Variants in TRAK2 observed in about 807,000 individuals in gnomAD.
TRAK2 encodes the protein trafficking kinesin protein 2.
A neutral mutation model predicts 104.6 loss-of-function variants in TRAK2; 81 were observed. The observed-to-expected ratio is 0.77, with a 90% CI of 0.65 to 0.93. The LOEUF (loss-of-function observed/expected upper bound fraction) is 0.93. Among genes scored for constraint, TRAK2 ranks in the 40% least tolerant of loss-of-function variants. The pLI is 0.00. For missense variants in TRAK2, 1,002 were observed against 1,089.0 expected (o/e 0.92, Z 1.12); for synonymous variants, 406 against 394.4 (o/e 1.03, Z -0.35).
chr2:201,393,110 C>T (rs556828755), intron 9 of TRAK2, 64 bp from the exon 10 acceptor site: 90 of 1,507,088 alleles, frequency 6.0e-5, no homozygotes, highest in Middle Eastern at 3.6e-4. Context: ...AAAAAAAACC[C>T]GAAACCTTTT....
chr2:201,425,564 C>A (rs1406960755), intron 1 of TRAK2, among the ~76,000 whole-genome samples: 2 of 151,968 alleles, frequency 1.3e-5, no homozygotes, highest in Admixed American at 1.3e-4. Context: ...CCACGCCTGG[C>A]TAATTTTTTT....
intron 1 of TRAK2, among the ~76,000 whole-genome samples, 151 bp from the exon 2 acceptor site, chr2:201,420,857 C>T (rs1319212153): frequency 2.0e-5 from 3 of 151,798 alleles, no homozygotes; most frequent in Non-Finnish European, 4.4e-5. Flanking sequence ...AGAAGTCAGA[C>T]AAAAAAAGAG....
At position 201,388,035 on chromosome 2, in the gene TRAK2, G is replaced by A. The variant is rs781471136; in HGVS notation, c.1398-34C>T. 2.5e-6 allele frequency: 4 copies of A among 1,607,660 alleles called. No individual in the cohort carries two copies. In the South Asian group the frequency reaches 3.3e-5, roughly 13 times the overall value. ...AAATCGCGTTCACTGATTAGATCTT[G>A]AGGATCATCAGCATGACCCAGACCT... On this transcript the variant is annotated intron_variant, in intron 12 of 15. Transcript: ENST00000332624.
intron 4 of TRAK2, among the ~76,000 whole-genome samples, chr2:201,400,233 G>A (rs144826897): frequency 8.3e-4 from 126 of 152,126 alleles, no homozygotes; most frequent in African/African-American, 2.9e-3. Context: ...CAAGGGCATA[G>A]GAATTCCATC....
In TRAK2 at chr2:201,398,174, C is replaced by G; in HGVS notation, c.661G>C (p.Glu221Gln). 1.9e-6 allele frequency: 3 copies of G among 1,613,710 alleles called. No individual in the cohort carries two copies. The highest frequency in any genetic ancestry group is 2.5e-6 in the Non-Finnish European group (3 of 1,179,666). The change falls in exon 6 of 16, where the codon GAA becomes CAA. Residue 221 changes from glutamate to glutamine, a missense_variant. Glu to Gln is a conservative substitution (Grantham distance 29, BLOSUM62 2). Coordinates refer to ENST00000332624, the MANE Select transcript of TRAK2 (RefSeq NM_015049.3). ...GATCGAAGAGCCATATTCTCTTCTT[C>G]CAGTTCCTTGAGCTTTTCTTGCAGC... Reference protein sequence around the residue: ...EMLQEKLKELEEENMALRSKA... With the variant: ...EMLQEKLKELQEENMALRSKA...
chr2:201,418,630 A>G (rs922817206), intron 2 of TRAK2, among the ~76,000 whole-genome samples: 2 of 152,218 alleles, frequency 1.3e-5, no homozygotes, highest in Non-Finnish European at 2.9e-5. Context: ...TACACATATG[A>G]CAATGAAATT....
In TRAK2 at chr2:201,386,447, T is replaced by C. The variant is rs1951391990; in HGVS notation, c.1734A>G (p.Gln578=). ...GATCAAGGATGGTTCCCAAGTTTGG[T>C]TGAGCAAGCTGCTGCCAGTGATACA... is the stretch of plus-strand genomic sequence containing the variant. The part of the protein sequence containing the change: ...QTLYHWQQLA[Q]PNLGTILDPR... Residue 578 remains glutamine (Q), a synonymous_variant, in exon 14 of 16, where the codon CAA becomes CAG. Coordinates refer to ENST00000332624, the MANE Select transcript of TRAK2 (RefSeq NM_015049.3). The C allele has an allele frequency of 2.5e-6, 4 of 1,614,154 alleles. No homozygotes were observed. The highest frequency in any genetic ancestry group is 3.4e-6 in the Non-Finnish European group (4 of 1,180,024).
chr2:201,411,109 C>G, intron 2 of TRAK2: 1 of 1,016,578 alleles, frequency 9.8e-7, no homozygotes, highest in Non-Finnish European at 1.5e-6. Flanking sequence ...GTACTTGAAG[C>G]AGAAGGTTTA....
intron 3 of TRAK2, among the ~76,000 whole-genome samples, chr2:201,405,771 T>C (rs997180711): frequency 4.6e-5 from 7 of 152,184 alleles, no homozygotes; most frequent in Middle Eastern, 3.4e-3. Context: ...GATCACAAGA[T>C]CAGGAGTTCG....
intron 8 of TRAK2, 95 bp from the exon 9 acceptor site, chr2:201,394,967 G>C (rs1227328613): frequency 9.0e-7 from 1 of 1,110,282 alleles, no homozygotes; most frequent in East Asian, 2.6e-5. Flanking sequence ...TCTCTCTGGG[G>C]TATCATCTTA....
intron 1 of TRAK2, among the ~76,000 whole-genome samples, chr2:201,450,484 C>T (rs6717641): frequency 0.55 from 84,028 of 151,830 alleles, 24,300 homozygotes; most frequent in Non-Finnish European, 0.65. Context: ...TGACCTTTCT[C>T]ACCTCCAAAT....
At chr2:201,425,703 A>G (rs1951781522) in intron 1 of TRAK2, among the ~76,000 whole-genome samples, 1 of 140,368 alleles carries the variant, frequency 7.1e-6, no homozygotes, top group African/African-American at 2.6e-5. Context: ...GCCCCACTCC[A>G]GAAAGCATTG....
intron 4 of TRAK2, 90 bp downstream of exon 4, chr2:201,400,928 A>T: frequency 1.0e-6 from 1 of 986,582 alleles, no homozygotes; most frequent in Non-Finnish European, 1.6e-6. Context: ...AGCACGTACA[A>T]CATTTTCCAT....
intron 1 of TRAK2, 37 bp from the exon 2 acceptor site, chr2:201,420,743 G>T: frequency 2.6e-6 from 1 of 391,344 alleles, no homozygotes; most frequent in Non-Finnish European, 4.6e-6. Flanking sequence ...AACTCAGCAT[G>T]CTCTTTAACA....
chr2:201,433,025 C>T (rs1038487698), intron 1 of TRAK2, among the ~76,000 whole-genome samples: 1 of 152,142 alleles, frequency 6.6e-6, no homozygotes, highest in African/African-American at 2.4e-5. Context: ...TTTACCTTGT[C>T]CTCATAAAAT....
chr2:201,434,018 C>T (rs996518169), intron 1 of TRAK2, among the ~76,000 whole-genome samples: 5 of 151,934 alleles, frequency 3.3e-5, no homozygotes, highest in Admixed American at 1.3e-4. Context: ...ACTGCAGTGG[C>T]GCTATCTCGG....
At chr2:201,414,932 A>ATTATTAATATTAATATT in intron 2 of TRAK2, among the ~76,000 whole-genome samples, 1 of 41,616 alleles carries the variant, frequency 2.4e-5, no homozygotes. Context: ...TACTTCCAAA[A>ATTATTAATATTAATATT]TGTAATATTA....
intron 1 of TRAK2, among the ~76,000 whole-genome samples, chr2:201,446,745 G>A (rs1426362451): frequency 6.6e-6 from 1 of 152,160 alleles, no homozygotes; most frequent in Non-Finnish European, 1.5e-5. Flanking sequence ...TATTTCAAAA[G>A]GTTGTCAAAG....
At chr2:201,386,509 G>C (rs756933960) in intron 13 of TRAK2, 25 bp from the exon 14 acceptor site, 2 of 1,607,066 alleles carry the variant, frequency 1.2e-6, no homozygotes, top group Non-Finnish European at 1.7e-6. Context: ...CAAAGGAAGG[G>C]GAAAGGCATG....
Sources: gnomAD v4.1 joint callset for allele counts (sites outside exome capture counted in the v4.1 genomes callset) on GRCh38, gnomAD v4.1.1 for gene constraint, MANE v1.5 for transcripts, NCBI Gene and HGNC (gene_info 2026-07-23, HGNC 2026-07-21) for gene names.